The following NEBL variants were observed in gnomAD, a reference collection of about 807,000 sequenced individuals.
The protein encoded by NEBL is LIM and SH3 protein 2.
Under a neutral mutation model 140.2 loss-of-function variants are expected in NEBL, and 122 were observed. The ratio of observed to expected loss-of-function variants is 0.87; its 90% CI spans 0.75 to 1.01. NEBL has a LOEUF of 1.01. Among genes scored for constraint, NEBL ranks in the 50% least tolerant of loss-of-function variants. The pLI is 0.00. For synonymous variants in NEBL, 436 were observed against 398.9 expected (o/e 1.09, Z -1.11); for missense variants, 1,365 against 1,231.3 (o/e 1.11, Z -1.62).
chr10:21,086,975 C>G (rs1295415613), intron 2 of NEBL, among the ~76,000 whole-genome samples: 3 of 151,666 alleles, frequency 2.0e-5, no homozygotes, highest in African/African-American at 7.3e-5. Flanking sequence ...GCTCAACTAC[C>G]CATCTACACT....
intron 3 of NEBL, among the ~76,000 whole-genome samples, chr10:21,245,916 C>G (rs112991548): frequency 0.17 from 25,453 of 152,166 alleles, 2,614 homozygotes; most frequent in Middle Eastern, 0.24. Context: ...AGGATGGTCT[C>G]GATCTCCTGA....
At chr10:21,268,771 C>T (rs1259256546) in intron 1 of NEBL, among the ~76,000 whole-genome samples, 3 of 151,812 alleles carry the variant, frequency 2.0e-5, no homozygotes, top group Admixed American at 1.3e-4. Context: ...GTGATCCACC[C>T]GCCTCGGCCT....
chr10:21,219,846 G>A (rs1446356140), intron 3 of NEBL, among the ~76,000 whole-genome samples: 1 of 144,082 alleles, frequency 6.9e-6, no homozygotes, highest in Non-Finnish European at 1.5e-5. Flanking sequence ...TTGTAAATGA[G>A]ATTATTTTCT....
At chr10:21,202,116 G>C (rs1006816604) in intron 3 of NEBL, among the ~76,000 whole-genome samples, 4 of 152,084 alleles carry the variant, frequency 2.6e-5, no homozygotes, top group African/African-American at 9.7e-5. Context: ...AATCTATGCA[G>C]GTCATATTGA....
chr10:20,843,559 CATAA>C (rs1284645382), intron 12 of NEBL, among the ~76,000 whole-genome samples: 5 of 151,976 alleles, frequency 3.3e-5, no homozygotes, highest in Non-Finnish European at 5.9e-5. Flanking sequence ...AAAAAATTAA[CATAA>C]ATAGTGTATT....
chr10:20,831,518 A>C lies in NEBL; in HGVS notation c.1515T>G (p.Thr505=), dbSNP rs546593564. The stretch of plus-strand genomic sequence containing the variant: ...CTTTCTTAGCTCTCTGGACATCAAG[A>C]GTGTCTGTGCTCACCTGCATCCCTT... ...KGKGMQVSTD[T]LDVQRAKKAS... The change falls in exon 15 of 28, where the codon ACT becomes ACG. Residue 505 remains threonine (T), a synonymous_variant. Coordinates refer to ENST00000377122, the MANE Select transcript of NEBL (RefSeq NM_006393.3). The C allele has an allele frequency of 6.2e-7, 1 of 1,612,262 alleles. No homozygotes were observed. Among genetic ancestry groups the C allele is most frequent in the Non-Finnish European group, 8.5e-7 (1 of 1,179,346 alleles).
intron 26 of NEBL, among the ~76,000 whole-genome samples, chr10:20,791,581 G>A (rs929480256): frequency 2.0e-5 from 3 of 151,200 alleles, no homozygotes; most frequent in African/African-American, 7.3e-5. Flanking sequence ...TTTCCCTACA[G>A]ACAGGATCTT....
intron 3 of NEBL, among the ~76,000 whole-genome samples, chr10:20,989,545 T>C (rs1372618078): frequency 3.3e-5 from 5 of 152,046 alleles, no homozygotes; most frequent in African/African-American, 1.2e-4. Context: ...AAAGAAACCA[T>C]AAATTTATGA....
intron 2 of NEBL, among the ~76,000 whole-genome samples, chr10:21,125,227 T>TACACACACACAC (rs59284447): frequency 6.7e-6 from 1 of 148,208 alleles, no homozygotes; most frequent in Admixed American, 6.7e-5. Flanking sequence ...CACATGCATA[T>TACACACACACAC]ACACACACAC....
At chr10:20,979,453 AT>A (rs1189943013) in intron 3 of NEBL, among the ~76,000 whole-genome samples, 2 of 152,196 alleles carry the variant, frequency 1.3e-5, no homozygotes, top group African/African-American at 4.8e-5. Context: ...AGCCTTGTCT[AT>A]ACTATTTTTA....
intron 5 of NEBL, among the ~76,000 whole-genome samples, chr10:20,873,523 A>G (rs1431398786): frequency 6.6e-6 from 1 of 152,140 alleles, no homozygotes; most frequent in Admixed American, 6.6e-5. Context: ...AGAAAGATTA[A>G]AGAAGAAGAA....
intron 12 of NEBL, 35 bp downstream of exon 12, chr10:20,845,223 T>C: frequency 5.3e-6 from 7 of 1,328,444 alleles, no homozygotes; most frequent in Non-Finnish European, 7.6e-6. Context: ...TTTACTTTTC[T>C]TCATAATATT....
At chr10:21,177,773 C>T (rs556424219), upstream of NEBL, among the ~76,000 whole-genome samples, 58 of 152,256 alleles carry the variant, frequency 3.8e-4, no homozygotes, top group South Asian at 0.012. Context: ...CATGATCTGC[C>T]AGTCTCGGCC....
At position 21,020,044 on chromosome 10, in the gene NEBL, A is replaced by G. The variant is rs940367722; in HGVS notation, c.249+73T>C. On this transcript the variant is annotated intron_variant, in intron 3 of 6. Coordinates refer to the NEBL transcript ENST00000417816. ...GACCCAGCAGGAACAGTACGAAGAC[A>G]AGAATCTCAGAAGAGCAGCCTTGTG... The G allele has an allele frequency of 8.4e-6, 11 of 1,313,548 alleles. No homozygotes were observed. The African/African-American group carries it at 1.3e-4, about 16-fold the overall frequency. The allele number at this position is 1,313,548 out of a possible 1,614,324, so 81.4% of individuals were successfully genotyped here.
chr10:21,044,898 C>T (rs1834442452), intron 2 of NEBL, among the ~76,000 whole-genome samples: 1 of 152,076 alleles, frequency 6.6e-6, no homozygotes, highest in African/African-American at 2.4e-5. Context: ...GACAAAAATA[C>T]TTAATGAATA....
chr10:21,140,617 T>G (rs1839584648), intron 2 of NEBL, among the ~76,000 whole-genome samples: 1 of 152,212 alleles, frequency 6.6e-6, no homozygotes, highest in African/African-American at 2.4e-5. Flanking sequence ...TCTAGATTTA[T>G]ATATAGAATA....
chr10:21,288,849 TAA>T (rs1239906651), intron 1 of NEBL, among the ~76,000 whole-genome samples: 48 of 88,870 alleles, frequency 5.4e-4, no homozygotes, highest in Admixed American at 2.1e-3. Context: ...TATATATATA[TAA>T]AAATTTTTTT....
At chr10:21,260,614 C>T (rs1187311523) in intron 1 of NEBL, among the ~76,000 whole-genome samples, 3 of 152,142 alleles carry the variant, frequency 2.0e-5, no homozygotes, top group Non-Finnish European at 2.9e-5. Flanking sequence ...CCCCTGTTTT[C>T]CCTTTCCAAG....
intron 2 of NEBL, chr10:21,172,260 C>CA: frequency 1.3e-6 from 1 of 754,248 alleles, no homozygotes; most frequent in Non-Finnish European, 2.4e-6. Context: ...GTGATATAAA[C>CA]AGGTAACTGG....
Sources: gnomAD v4.1 joint callset for allele counts (sites outside exome capture counted in the v4.1 genomes callset) on GRCh38, gnomAD v4.1.1 for gene constraint, MANE v1.5 for transcripts, NCBI Gene and HGNC (gene_info 2026-07-23, HGNC 2026-07-21) for gene names.